The following PARD3 variants were observed in gnomAD, a reference collection of about 807,000 sequenced individuals.
PARD3 encodes the protein partitioning defective 3 homolog.
Under a neutral mutation model 155.4 loss-of-function variants are expected in PARD3, and 75 were observed. The observed-to-expected ratio is 0.48, with a 90% CI of 0.40 to 0.58. PARD3 has a LOEUF of 0.58. Ranked by LOEUF, PARD3 falls within the 20% of genes least tolerant of loss-of-function variation. PARD3 has a pLI of 0.00. For missense variants in PARD3, 1,642 were observed against 1,721.7 expected (o/e 0.95, Z 0.82); for synonymous variants, 576 against 610.5 (o/e 0.94, Z 0.83).
At chr10:34,578,413 T>C (rs2087090505) in intron 2 of PARD3, among the ~76,000 whole-genome samples, 1 of 152,212 alleles carries the variant, frequency 6.6e-6, no homozygotes, top group Non-Finnish European at 1.5e-5. Flanking sequence ...ATAAATGGGT[T>C]AGAACATGCC....
chr10:34,115,410 C>T (rs1300538698), intron 24 of PARD3, among the ~76,000 whole-genome samples: 2 of 152,052 alleles, frequency 1.3e-5, no homozygotes, highest in Admixed American at 6.6e-5. Context: ...CTTTTGGGGG[C>T]TGCCTTTTGG....
chr10:34,381,854 G>A (rs571525658), intron 9 of PARD3, among the ~76,000 whole-genome samples: 7 of 143,942 alleles, frequency 4.9e-5, no homozygotes, highest in African/African-American at 1.8e-4. Flanking sequence ...TGCGGGCTAC[G>A]GTGAGCTATG....
At chr10:34,676,111 A>ACTG (rs1246220144) in intron 2 of PARD3, 1 of 152,446 alleles carries the variant, frequency 6.6e-6, no homozygotes, top group Non-Finnish European at 1.5e-5. Flanking sequence ...CCATAACTCA[A>ACTG]CAGCAGCAGG....
chr10:34,741,936 T>C (rs1049685904), intron 1 of PARD3, among the ~76,000 whole-genome samples: 5 of 152,208 alleles, frequency 3.3e-5, no homozygotes, highest in Non-Finnish European at 7.3e-5. Flanking sequence ...TTTCTTAAAA[T>C]GTACAATATA....
At chr10:34,456,887 T>C (rs1420777518) in intron 4 of PARD3, among the ~76,000 whole-genome samples, 2 of 152,154 alleles carry the variant, frequency 1.3e-5, no homozygotes, top group African/African-American at 4.8e-5. Context: ...GATAATAAAA[T>C]TCATTTAATT....
chr10:34,219,251 C>A (rs1244400407), intron 22 of PARD3, among the ~76,000 whole-genome samples: 1 of 152,132 alleles, frequency 6.6e-6, no homozygotes, highest in Non-Finnish European at 1.5e-5. Context: ...CCAACTGTGG[C>A]AGAGGGGCCT....
chr10:34,332,675 C>G (rs1835742825), intron 18 of PARD3, among the ~76,000 whole-genome samples: 1 of 152,128 alleles, frequency 6.6e-6, no homozygotes, highest in African/African-American at 2.4e-5. Flanking sequence ...GGAAGGCAAA[C>G]ACATGATTCT....
chr10:34,583,126 T>C (rs535037806), intron 2 of PARD3, among the ~76,000 whole-genome samples: 1 of 152,292 alleles, frequency 6.6e-6, no homozygotes, highest in African/African-American at 2.4e-5. Flanking sequence ...AATGTGGTGG[T>C]ATATAACCCC....
rs12264982 is a variant in PARD3 at position 34,119,539 on chromosome 10, G to A, written c.3668+74C>T. ...TGGAGAGGCCCCAGTGACTTGGGAAGGAGCGCGTTCCTAAAGGGCGGGGGA... is the reference window on the plus strand; with the variant it reads ...TGGAGAGGCCCCAGTGACTTGGGAAAGAGCGCGTTCCTAAAGGGCGGGGGA... On this transcript the variant is annotated intron_variant, in intron 24 of 24. Coordinates refer to ENST00000374788, the MANE Select transcript of PARD3 (RefSeq NM_001184785.2). 35,462 of 1,429,292 alleles carry A rather than the reference G, an allele frequency of 0.025. 2,944 individuals carry two copies. The African/African-American group carries it at 0.28, about 11-fold the overall frequency. 88.5% of individuals were successfully genotyped at this position (1,429,292 alleles called of 1,614,324 possible). A position where few individuals can be genotyped will look rare whatever the true frequency, so the allele number is the denominator to read the frequency against.
At position 34,125,235 on chromosome 10, in the gene PARD3, T is replaced by C. The variant is rs186065082; in HGVS notation, c.3541-5495A>G. Among the ~76,000 whole-genome samples, 811 of 152,064 alleles carry C rather than the reference T, an allele frequency of 5.3e-3. 3 individuals are homozygous for C. Among genetic ancestry groups the C allele is most frequent in the African/African-American group, 0.018 (731 of 41,418 alleles). On this transcript the variant is annotated intron_variant, in intron 23 of 24. Transcript: ENST00000374788. ...GCACCTGCCACCACGCCCGGCTAAT[T>C]TTTGTATTTTTAGTAGAGACGGGGT...
At chr10:34,312,802 C>T (rs910051564) in intron 20 of PARD3, among the ~76,000 whole-genome samples, 2 of 152,134 alleles carry the variant, frequency 1.3e-5, no homozygotes, top group Admixed American at 6.5e-5. Flanking sequence ...AATAAGGTCA[C>T]GTCTAAGAAC....
intron 22 of PARD3, among the ~76,000 whole-genome samples, chr10:34,188,871 C>G (rs934292418): frequency 2.6e-5 from 4 of 152,098 alleles, no homozygotes; most frequent in South Asian, 2.1e-4. Context: ...AGCACTTCTC[C>G]CCCCACACCC....
intron 3 of PARD3, among the ~76,000 whole-genome samples, chr10:34,487,157 A>G (rs1314159785): frequency 6.6e-6 from 1 of 152,112 alleles, no homozygotes; most frequent in East Asian, 1.9e-4. Flanking sequence ...AAGGCCAAAG[A>G]GGCTTCCAAG....
chr10:34,587,647 C>T (rs754994232), intron 2 of PARD3, among the ~76,000 whole-genome samples: 8 of 152,122 alleles, frequency 5.3e-5, no homozygotes, highest in Non-Finnish European at 1.0e-4. Flanking sequence ...TGGTGATATT[C>T]TGTGTTTTAG....
chr10:34,640,603 A>AG (rs2092639120), intron 2 of PARD3, among the ~76,000 whole-genome samples: 1 of 145,870 alleles, frequency 6.9e-6, no homozygotes, highest in South Asian at 2.3e-4. Context: ...CCAGCTACTC[A>AG]GGGGGCTGAA....
At chr10:34,369,040 T>C (rs1001271797) in intron 12 of PARD3, among the ~76,000 whole-genome samples, 4 of 151,466 alleles carry the variant, frequency 2.6e-5, no homozygotes, top group African/African-American at 9.7e-5. Context: ...CCCCTCAACA[T>C]ACTAAGTCAC....
At chr10:34,779,621 A>AAAAAT (rs1189808715) in intron 1 of PARD3, among the ~76,000 whole-genome samples, 7 of 152,146 alleles carry the variant, frequency 4.6e-5, no homozygotes, top group African/African-American at 9.7e-5. Flanking sequence ...ACTCCATCTC[A>AAAAAT]AAAATAAAAT....
intron 2 of PARD3, among the ~76,000 whole-genome samples, chr10:34,612,727 G>A (rs1335568821): frequency 6.6e-6 from 1 of 152,206 alleles, no homozygotes; most frequent in Non-Finnish European, 1.5e-5. Context: ...TATAGTACCA[G>A]ACACAATGAA....
chr10:34,188,343 T>C (rs530884259), intron 22 of PARD3, among the ~76,000 whole-genome samples: 1 of 152,362 alleles, frequency 6.6e-6, no homozygotes, highest in Non-Finnish European at 1.5e-5. Context: ...TATATTGATC[T>C]AGACCTTTTT....
Sources: allele counts gnomAD v4.1 joint callset (sites outside exome capture counted in the v4.1 genomes callset), GRCh38; gene constraint gnomAD v4.1.1; transcripts MANE v1.5; gene names NCBI Gene and HGNC (gene_info 2026-07-23, HGNC 2026-07-21).